The following NUDCD1 variants were observed in gnomAD, a reference collection of about 807,000 sequenced individuals.
NUDCD1 encodes the protein NudC domain containing 1, also known as nudC domain-containing protein 1.
In NUDCD1, 60 loss-of-function variants were observed where a neutral mutation model predicts 67.8. That is an observed-to-expected ratio of 0.88 (90% CI 0.72 to 1.10). NUDCD1 has a LOEUF of 1.10. NUDCD1 is among the 50% of genes least tolerant of loss of function. The pLI, the probability that NUDCD1 is intolerant of heterozygous loss-of-function variation, is 0.00. For synonymous variants in NUDCD1, 244 were observed against 230.8 expected (o/e 1.06, Z -0.52); for missense variants, 643 against 695.0 (o/e 0.93, Z 0.84).
chr8:109,256,081 T>TG (rs1813730563), intron 8 of NUDCD1, among the ~76,000 whole-genome samples: 1 of 152,070 alleles, frequency 6.6e-6, no homozygotes, highest in Non-Finnish European at 1.5e-5. Flanking sequence ...CGTGTTGGGA[T>TG]GCACCTGTGG....
At chr8:109,259,242 G>A (rs1813809675) in intron 8 of NUDCD1, among the ~76,000 whole-genome samples, 1 of 152,212 alleles carries the variant, frequency 6.6e-6, no homozygotes, top group Non-Finnish European at 1.5e-5. Context: ...AGTACAGGAA[G>A]GCTTACTGGC....
Position 109,328,287 on chromosome 8 carries a change from T to C in NUDCD1, c.118+5606A>G, listed in dbSNP as rs529084059. Among the ~76,000 whole-genome samples, 8 of 152,300 alleles carry C rather than the reference T, an allele frequency of 5.3e-5. No individual in the cohort carries two copies. In the South Asian group the frequency reaches 8.3e-4, roughly 16 times the overall value. ...GGCTTTTCCCTCCCTTTAACTGTAG[T>C]GTAAATCTTCACCAGCTTTTCTTCC... On this transcript the variant is annotated intron_variant, in intron 1 of 9. Transcript: ENST00000239690.
chr8:109,269,089 T>C (rs1454191786), intron 8 of NUDCD1, among the ~76,000 whole-genome samples: 1 of 152,092 alleles, frequency 6.6e-6, no homozygotes, highest in East Asian at 1.9e-4. Flanking sequence ...CCTAAAACCA[T>C]TTTTTTAATT....
chr8:109,273,682 C>T (rs542772622), intron 7 of NUDCD1, among the ~76,000 whole-genome samples: 3 of 152,022 alleles, frequency 2.0e-5, no homozygotes, highest in South Asian at 4.2e-4. Flanking sequence ...TAGTTAAGTG[C>T]CTTCCAAAAA....
chr8:109,315,845 T>C (rs1367454056), intron 2 of NUDCD1: 1 of 152,206 alleles, frequency 6.6e-6, no homozygotes, highest in Non-Finnish European at 1.5e-5. Context: ...CCCCTAATAA[T>C]TAACTCAACT....
chr8:109,301,417 G>T (rs904208121), intron 2 of NUDCD1, among the ~76,000 whole-genome samples: 1 of 152,100 alleles, frequency 6.6e-6, no homozygotes, highest in Non-Finnish European at 1.5e-5. Flanking sequence ...GACTCAGCTC[G>T]CCTGCACCCA....
intron 2 of NUDCD1, among the ~76,000 whole-genome samples, chr8:109,311,036 A>C (rs1815235648): frequency 1.3e-5 from 2 of 151,792 alleles, no homozygotes; most frequent in Non-Finnish European, 2.9e-5. Flanking sequence ...GGACGGTCTC[A>C]ATCTCCTGAC....
intron 7 of NUDCD1, among the ~76,000 whole-genome samples, chr8:109,274,544 T>C (rs1814232503): frequency 6.6e-6 from 1 of 152,162 alleles, no homozygotes; most frequent in African/African-American, 2.4e-5. Context: ...AGAATTCCAG[T>C]GATTTCTGAA....
chr8:109,268,243 A>G (rs1799467049), intron 8 of NUDCD1, among the ~76,000 whole-genome samples: 1 of 152,170 alleles, frequency 6.6e-6, no homozygotes, highest in South Asian at 2.1e-4. Context: ...TAAATGTAAG[A>G]AAAATCGGTG....
chr8:109,290,580 C>G lies in NUDCD1; in HGVS notation c.641-647G>C, dbSNP rs190757187. ...TATAGCAGAAATGATTTTTTTTACACAAGACATTTATCTATATGCTTATAA... is the reference window on the plus strand; with the variant it reads ...TATAGCAGAAATGATTTTTTTTACAGAAGACATTTATCTATATGCTTATAA... On this transcript the variant is annotated intron_variant, in intron 4 of 9. Transcript: ENST00000239690. 3.3e-5 allele frequency among the ~76,000 whole-genome samples: 5 copies of G among 152,162 alleles called. No homozygotes were observed. The East Asian group carries it at 9.6e-4, about 29-fold the overall frequency.
At chr8:109,249,827 A>G (rs1813581413) in intron 8 of NUDCD1, among the ~76,000 whole-genome samples, 1 of 151,260 alleles carries the variant, frequency 6.6e-6, no homozygotes, top group South Asian at 2.1e-4. Flanking sequence ...AAAATGAGAT[A>G]TATAAAGAAT....
intron 3 of NUDCD1, 132 bp from the exon 4 acceptor site, chr8:109,293,656 T>C: frequency 2.2e-6 from 1 of 446,800 alleles, no homozygotes; most frequent in Non-Finnish European, 3.8e-6. Flanking sequence ...AATTTGAAAA[T>C]AAAAAGGCCT....
At chr8:109,247,021 G>A (rs983556265) in intron 8 of NUDCD1, among the ~76,000 whole-genome samples, 2 of 152,166 alleles carry the variant, frequency 1.3e-5, no homozygotes, top group Non-Finnish European at 2.9e-5. Context: ...TAGAGCCAGT[G>A]CTTGCTCTCT....
At chr8:109,270,914 T>G (rs1814137881) in intron 8 of NUDCD1, 91 bp downstream of exon 8, 1 of 789,826 alleles carries the variant, frequency 1.3e-6, no homozygotes, top group Admixed American at 2.5e-5. Context: ...CAGTAACTGC[T>G]AATCAAGTAT....
chr8:109,284,423 C>T (rs183983772), intron 5 of NUDCD1, among the ~76,000 whole-genome samples: 10 of 152,076 alleles, frequency 6.6e-5, no homozygotes, highest in Admixed American at 5.9e-4. Context: ...AAATTTGACA[C>T]TTAATCTAAC....
intron 8 of NUDCD1, among the ~76,000 whole-genome samples, chr8:109,256,192 C>T (rs577667653): frequency 2.0e-5 from 3 of 152,136 alleles, no homozygotes; most frequent in South Asian, 4.1e-4. Flanking sequence ...GAGCGATACC[C>T]GTCTCAAAAC....
intron 1 of NUDCD1, among the ~76,000 whole-genome samples, chr8:109,327,753 C>T (rs890406154): frequency 1.3e-5 from 2 of 152,172 alleles, no homozygotes; most frequent in African/African-American, 4.8e-5. Flanking sequence ...AAGTTATCTC[C>T]TGTCCACTGG....
intron 9 of NUDCD1, 84 bp from the exon 10 acceptor site, chr8:109,243,385 C>A (rs1813421482): frequency 8.8e-7 from 1 of 1,134,698 alleles, no homozygotes; most frequent in Non-Finnish European, 1.2e-6. Flanking sequence ...TAATATTTTG[C>A]AATGTTTATT....
intron 3 of NUDCD1, 119 bp from the exon 4 acceptor site, chr8:109,293,643 A>T (rs1243212331): frequency 2.1e-6 from 1 of 469,514 alleles, no homozygotes; most frequent in African/African-American, 2.0e-5. Context: ...ATTTATTACA[A>T]GAAATTTGAA....
Sources: allele counts gnomAD v4.1 joint callset (sites outside exome capture counted in the v4.1 genomes callset), GRCh38; gene constraint gnomAD v4.1.1; transcripts MANE v1.5; gene names NCBI Gene and HGNC (gene_info 2026-07-23, HGNC 2026-07-21).